Variants in TRIM36 observed in about 807,000 individuals in gnomAD.
The protein encoded by TRIM36 is E3 ubiquitin-protein ligase TRIM36.
TRIM36 carries 42 observed loss-of-function variants against 72.4 expected under a neutral mutation model. That is an observed-to-expected ratio of 0.58 (90% CI 0.45 to 0.75). The LOEUF is 0.75. TRIM36 is among the 30% of genes least tolerant of loss of function. The pLI, the probability that TRIM36 is intolerant of heterozygous loss-of-function variation, is 0.00. For missense variants in TRIM36, 913 were observed against 857.1 expected, an observed-to-expected ratio of 1.07 and a Z score of -0.81; for synonymous variants, 315 against 282.8, an observed-to-expected ratio of 1.11 and a Z score of -1.14.
chr5:115,141,192 A>T, intron 5 of TRIM36, 87 bp downstream of exon 5: 1 of 984,500 alleles, frequency 1.0e-6, no homozygotes, highest in Non-Finnish European at 1.5e-6. Context: ...CAGCTCATAT[A>T]ATACTCTCAG....
chr5:115,155,048 G>C (rs147878783), intron 2 of TRIM36, among the ~76,000 whole-genome samples: 44,180 of 151,966 alleles, frequency 0.29, 6,549 homozygotes, highest in Middle Eastern at 0.33. Context: ...AATTAGCCGG[G>C]CATGGTGGTG....
rs202247196 is a variant in TRIM36 at position 115,126,794 on chromosome 5, T to C, written c.1860A>G (p.Pro620=). 14 of 1,614,130 alleles carry C rather than the reference T, an allele frequency of 8.7e-6. No individual in the cohort carries two copies. In the East Asian group the frequency reaches 2.9e-4, roughly 33 times the overall value. The change falls in exon 10 of 10, where the codon CCA becomes CCG. Residue 620 remains proline, a synonymous_variant. Coordinates refer to ENST00000513154, the MANE Select transcript of TRIM36 (RefSeq NM_001300759.2). ...GCATGCCTATAGTAACTAAGGTAAA[T>C]GGTTGTGAAGAATCAAAACAGGCAT... The part of the protein sequence containing the change: ...SEDACFDSSQ[P]FTLVTIGMQK...
chr5:115,179,880 C>G, intron 1 of TRIM36: 1 of 1,254,426 alleles, frequency 8.0e-7, no homozygotes, highest in East Asian at 2.5e-5. Context: ...CCGCCCTTCC[C>G]AGGCGCTGGA....
At chr5:115,128,681 A>G (rs1035378631) in intron 9 of TRIM36, among the ~76,000 whole-genome samples, 1 of 140,930 alleles carries the variant, frequency 7.1e-6, no homozygotes, top group Non-Finnish European at 1.5e-5. Context: ...GAACCCAGGA[A>G]GCGGAGCTTG....
rs1279806688 is a variant in TRIM36, at chr5:115,125,007, T to C, written c.*1496A>G. 2 of 152,364 alleles carry C rather than the reference T, an allele frequency of 1.3e-5. No homozygotes were observed. Among genetic ancestry groups the C allele is most frequent in the South Asian group, 2.1e-4 (1 of 4,824 alleles). 9.4% of individuals were successfully genotyped at this position (152,364 alleles called of 1,614,324 possible). A position where few individuals can be genotyped will look rare whatever the true frequency, so the allele number is the denominator to read the frequency against. ...AGCCTACATCATAAAGTGCTATTCA[T>C]AGATGGGAAATTAACAGCCTGCTAA... On this transcript the variant is annotated 3_prime_UTR_variant, in exon 10 of 10. Coordinates refer to ENST00000513154, the MANE Select transcript of TRIM36 (RefSeq NM_001300759.2).
At chr5:115,179,748 G>C (rs1216159135) in intron 1 of TRIM36, among the ~76,000 whole-genome samples, 1 of 152,232 alleles carries the variant, frequency 6.6e-6, no homozygotes, top group Non-Finnish European at 1.5e-5. Flanking sequence ...CCCCAAAAGC[G>C]TCCGAAAGTC....
At chr5:115,138,519 T>A (rs187776438) in intron 5 of TRIM36, among the ~76,000 whole-genome samples, 1 of 152,198 alleles carries the variant, frequency 6.6e-6, no homozygotes, top group African/African-American at 2.4e-5. Flanking sequence ...TGTGTGACCA[T>A]ATGCTAATCA....
In TRIM36 at chr5:115,126,837, T is replaced by C. The variant is rs757528872; in HGVS notation, c.1817A>G (p.His606Arg). 1.2e-6 allele frequency: 2 copies of C among 1,613,386 alleles called. No individual in the cohort carries two copies. Among genetic ancestry groups the C allele is most frequent in the African/African-American group, 1.3e-5 (1 of 75,020 alleles). ...VSPRYEQDSG[H>R]DSGSEDACFD... ...ACAGGCATCCTCACTTCCACTGTCATGCCCACTGTCTTGCTCATATCTGAA... is the reference window on the plus strand; with the variant it reads ...ACAGGCATCCTCACTTCCACTGTCACGCCCACTGTCTTGCTCATATCTGAA... The change falls in exon 10 of 10, where the codon CAT becomes CGT. Residue 606 changes from histidine (H) to arginine (R), a missense_variant. Physicochemically the swap from His to Arg is conservative, Grantham distance 29. Coordinates refer to ENST00000513154, the MANE Select transcript of TRIM36 (RefSeq NM_001300759.2).
chr5:115,143,852 C>T (rs1363497546), intron 4 of TRIM36, among the ~76,000 whole-genome samples: 2 of 152,026 alleles, frequency 1.3e-5, no homozygotes, highest in East Asian at 3.9e-4. Context: ...AAAACTAACA[C>T]AAAGGAAGTA....
At chr5:115,166,568 T>C (rs1052952690) in intron 1 of TRIM36, among the ~76,000 whole-genome samples, 3 of 152,194 alleles carry the variant, frequency 2.0e-5, no homozygotes, top group Non-Finnish European at 2.9e-5. Flanking sequence ...CAGTTGTCCA[T>C]GTAGCTCATT....
intron 1 of TRIM36, among the ~76,000 whole-genome samples, chr5:115,168,083 G>A (rs1242303360): frequency 2.6e-5 from 4 of 152,120 alleles, no homozygotes; most frequent in East Asian, 3.8e-4. Flanking sequence ...CCACTCCCAC[G>A]ATCCAATCAC....
chr5:115,170,255 C>T (rs1006573185), upstream of TRIM36, among the ~76,000 whole-genome samples: 1 of 151,842 alleles, frequency 6.6e-6, no homozygotes, highest in Non-Finnish European at 1.5e-5. Flanking sequence ...GGCGCCGGGG[C>T]GGGGAGGCTC....
chr5:115,143,544 T>C (rs1753401431), intron 4 of TRIM36, among the ~76,000 whole-genome samples: 1 of 150,954 alleles, frequency 6.6e-6, no homozygotes, highest in African/African-American at 2.4e-5. Flanking sequence ...GATGAGAGAA[T>C]TAGTAGGCAA....
chr5:115,131,910 G>C (rs183619669), intron 8 of TRIM36, among the ~76,000 whole-genome samples: 1 of 152,182 alleles, frequency 6.6e-6, no homozygotes. Flanking sequence ...AATGGGTACA[G>C]GGTTTCAGTT....
At chr5:115,167,589 C>A (rs757462913) in intron 1 of TRIM36, among the ~76,000 whole-genome samples, 1 of 152,216 alleles carries the variant, frequency 6.6e-6, no homozygotes, top group Non-Finnish European at 1.5e-5. Flanking sequence ...CCGACAAGTT[C>A]CTCATCTCCA....
chr5:115,152,957 T>TA (rs1358455343), intron 2 of TRIM36, among the ~76,000 whole-genome samples: 2 of 151,860 alleles, frequency 1.3e-5, no homozygotes, highest in Non-Finnish European at 2.9e-5. Flanking sequence ...AAATAAGATT[T>TA]AAAAAACAAC....
intron 2 of TRIM36, chr5:115,148,204 A>T: frequency 2.2e-6 from 1 of 451,650 alleles, no homozygotes; most frequent in Non-Finnish European, 2.9e-6. Flanking sequence ...CAGTAAGCCA[A>T]AAGTTACCCC....
chr5:115,149,764 G>C (rs947802131), intron 2 of TRIM36: 1 of 151,564 alleles, frequency 6.6e-6, no homozygotes, highest in East Asian at 1.9e-4. Flanking sequence ...GATCTTGAAA[G>C]CTCTTTTTTT....
At chr5:115,171,183 A>G (rs776267432), upstream of TRIM36, 126 of 1,614,120 alleles carry the variant, frequency 7.8e-5, no homozygotes, top group Middle Eastern at 6.6e-4. Flanking sequence ...GTCTTCCCAC[A>G]GCCCTGTCTG....
Sources: allele counts gnomAD v4.1 joint callset (sites outside exome capture counted in the v4.1 genomes callset), GRCh38; gene constraint gnomAD v4.1.1; transcripts MANE v1.5; gene names NCBI Gene and HGNC (gene_info 2026-07-23, HGNC 2026-07-21).